EEIG1: variants seen among roughly 807,000 people sequenced by gnomAD.
EEIG1 encodes the protein estrogen-induced osteoclastogenesis regulator 1, also known as early estrogen-induced gene 1 protein.
At chr9:127,953,967 C>T in the EEIG1 span, 37 of 1,609,952 alleles carry the variant, frequency 2.3e-5, 1 homozygote, top group African/African-American at 1.1e-4. Context: ...CACACACATC[C>T]GCGCCAGGGG....
the EEIG1 span, among the ~76,000 whole-genome samples, chr9:127,955,002 C>T: frequency 3.3e-5 from 5 of 152,184 alleles, no homozygotes; most frequent in African/African-American, 1.2e-4. Context: ...GTGGCAGAAC[C>T]GAGCTCTGCA....
At chr9:127,957,999 G>C in the EEIG1 span, among the ~76,000 whole-genome samples, 2 of 152,190 alleles carry the variant, frequency 1.3e-5, no homozygotes, top group African/African-American at 4.8e-5. Flanking sequence ...GGGCGACAGA[G>C]GGAGACTGTT....
At chr9:127,956,836 T>C in the EEIG1 span, among the ~76,000 whole-genome samples, 3 of 152,288 alleles carry the variant, frequency 2.0e-5, no homozygotes, top group African/African-American at 7.2e-5. Flanking sequence ...TGCCTCAGAC[T>C]CCTAAGTAGC....
chr9:127,972,935 T>G, the EEIG1 span, among the ~76,000 whole-genome samples: 2 of 152,094 alleles, frequency 1.3e-5, no homozygotes, highest in African/African-American at 4.8e-5. This position sits in a 1 kb window ranked among gnomAD's most constrained non-coding sequence, Gnocchi z 4.3. Flanking sequence ...TCTGACCTCA[T>G]AGTGGGTGGC....
At chr9:127,979,400 C>T in the EEIG1 span, among the ~76,000 whole-genome samples, 2 of 152,234 alleles carry the variant, frequency 1.3e-5, no homozygotes, top group Non-Finnish European at 2.9e-5. Flanking sequence ...AACACAAAAC[C>T]AAACTCAACG....
chr9:127,947,745 T>C, the EEIG1 span, among the ~76,000 whole-genome samples: 1 of 152,212 alleles, frequency 6.6e-6, no homozygotes, highest in Admixed American at 6.5e-5. Context: ...TCTGGGCCTG[T>C]CTTCCCCAGC....
the EEIG1 span, chr9:127,980,179 G>C: frequency 6.3e-7 from 1 of 1,591,640 alleles, no homozygotes; most frequent in South Asian, 1.1e-5. Context: ...GCGAAAAAAG[G>C]TGGAGAGGGA....
the EEIG1 span, among the ~76,000 whole-genome samples, chr9:127,947,340 G>A: frequency 6.6e-6 from 1 of 151,876 alleles, no homozygotes; most frequent in African/African-American, 2.4e-5. Flanking sequence ...GGAGGCTGAG[G>A]CAGGAGAAAT....
the EEIG1 span, chr9:127,940,875 C>A: frequency 6.6e-6 from 1 of 151,438 alleles, no homozygotes; most frequent in Non-Finnish European, 1.5e-5. Flanking sequence ...AAAAAAAAAA[C>A]CTAAAGATAT....
the EEIG1 span, among the ~76,000 whole-genome samples, chr9:127,958,253 T>C: frequency 6.6e-6 from 1 of 152,168 alleles, no homozygotes; most frequent in South Asian, 2.1e-4. Context: ...TATAAAATGT[T>C]GGAAAAAAGC....
the EEIG1 span, among the ~76,000 whole-genome samples, chr9:127,962,799 C>G: frequency 1.8e-4 from 28 of 152,176 alleles, no homozygotes; most frequent in African/African-American, 6.0e-4. Context: ...GAGGCTAAGA[C>G]AGGAGACTCA....
the EEIG1 span, among the ~76,000 whole-genome samples, chr9:127,956,476 ACT>A: frequency 6.6e-6 from 1 of 150,646 alleles, no homozygotes; most frequent in Non-Finnish European, 1.5e-5. Context: ...AAGGGCATAA[ACT>A]CAGCTCACTG....
chr9:127,961,985 G>A, the EEIG1 span, among the ~76,000 whole-genome samples: 1 of 152,188 alleles, frequency 6.6e-6, no homozygotes, highest in African/African-American at 2.4e-5. Context: ...CGGTGTCCAC[G>A]TGTATGCGAC....
chr9:127,942,980 G>T, the EEIG1 span: 1 of 604,886 alleles, frequency 1.7e-6, no homozygotes, highest in Non-Finnish European at 3.0e-6. Flanking sequence ...AATATTCACA[G>T]TGGTGCCTGG....
the EEIG1 span, among the ~76,000 whole-genome samples, chr9:127,979,011 C>T: frequency 1.0e-3 from 157 of 151,914 alleles, no homozygotes; most frequent in African/African-American, 3.6e-3. Flanking sequence ...AGTTAAATCG[C>T]GTCCCCCCAA....
the EEIG1 span, among the ~76,000 whole-genome samples, chr9:127,972,106 C>A: frequency 6.6e-6 from 1 of 152,028 alleles, no homozygotes; most frequent in African/African-American, 2.4e-5. The surrounding 1 kb of genome is among the most constrained non-coding windows in gnomAD (Gnocchi z 4.3). Flanking sequence ...GTCCCAGAGC[C>A]GGCTGTGCAG....
chr9:127,980,310 T>C, the EEIG1 span: 1 of 627,172 alleles, frequency 1.6e-6, no homozygotes, highest in Non-Finnish European at 2.6e-6. Context: ...GATCCACCAG[T>C]CCAGTTCGCG....
the EEIG1 span, among the ~76,000 whole-genome samples, chr9:127,964,034 G>C: frequency 1.3e-5 from 2 of 152,174 alleles, no homozygotes; most frequent in Non-Finnish European, 2.9e-5. Flanking sequence ...CAGGCAGTGG[G>C]AACAGCACAG....
chr9:127,972,214 T>C, the EEIG1 span, among the ~76,000 whole-genome samples: 4 of 152,010 alleles, frequency 2.6e-5, no homozygotes, highest in Admixed American at 2.6e-4. This position sits in a 1 kb window ranked among gnomAD's most constrained non-coding sequence, Gnocchi z 4.3. Flanking sequence ...CATCTCCCTG[T>C]GGGGCAAGTT....
Sources: allele counts gnomAD v4.1 joint callset (sites outside exome capture counted in the v4.1 genomes callset), GRCh38; gene constraint gnomAD v4.1.1; non-coding constraint Gnocchi (gnomAD v3.1); transcripts MANE v1.5; gene names NCBI Gene and HGNC (gene_info 2026-07-23, HGNC 2026-07-21).